The following BIN1 variants were observed in gnomAD, a reference collection of about 807,000 sequenced individuals.
BIN1 encodes myc box-dependent-interacting protein 1.
A neutral mutation model predicts 82.0 loss-of-function variants in BIN1; 53 were observed. That is an observed-to-expected ratio of 0.65 (90% CI 0.52 to 0.81). The LOEUF (loss-of-function observed/expected upper bound fraction) is 0.81. Among genes scored for constraint, BIN1 ranks in the 40% least tolerant of loss-of-function variants. BIN1 has a pLI of 0.00. For missense variants in BIN1, 642 were observed against 784.4 expected (o/e 0.82, Z 2.17); for synonymous variants, 302 against 328.0 (o/e 0.92, Z 0.86).
At chr2:127,049,448 T>C (rs1244368685) in intron 18 of BIN1, among the ~76,000 whole-genome samples, 1 of 152,210 alleles carries the variant, frequency 6.6e-6, no homozygotes. Context: ...CCTCAATAAG[T>C]ACCTGGTACC....
intron 1 of BIN1, among the ~76,000 whole-genome samples, chr2:127,087,152 T>C (rs890040068): frequency 5.9e-5 from 9 of 152,198 alleles, no homozygotes; most frequent in Non-Finnish European, 1.0e-4. Context: ...CCCACCACAA[T>C]GCTTTGATGG....
chr2:127,087,601 C>T (rs1242992034), intron 1 of BIN1, among the ~76,000 whole-genome samples: 1 of 152,168 alleles, frequency 6.6e-6, no homozygotes, highest in Non-Finnish European at 1.5e-5. Context: ...TCACAGTGGC[C>T]GGCGGGGCTG....
In BIN1 at chr2:127,059,322, A is replaced by C; in HGVS notation, c.858-167T>G. 8.6e-6 allele frequency among the ~76,000 whole-genome samples: 1 copy of C among 116,854 alleles called. No individual in the cohort carries two copies. The highest frequency in any genetic ancestry group is 3.3e-5 in the African/African-American group (1 of 30,408). The allele number at this position is 116,854 out of a possible 152,430, so 76.7% of individuals were successfully genotyped here. On this transcript the variant is annotated intron_variant, in intron 10 of 18. Transcript: ENST00000316724. This position sits in a 1 kb window ranked among gnomAD's most constrained non-coding sequence, Gnocchi z 6.7. ...TGAGAGAGAGCAGGAGGGTGGGGGG[A>C]GCCAAGGGACCTGGGCTTGGGGGGC...
intron 4 of BIN1, 139 bp downstream of exon 4, chr2:127,070,414 G>C: frequency 9.8e-7 from 1 of 1,022,026 alleles, no homozygotes. Flanking sequence ...CAGAGAGGGA[G>C]GGCAGCTTGC....
chr2:127,069,919 C>T (rs996820035), intron 5 of BIN1, 76 bp downstream of exon 5: 14 of 1,488,646 alleles, frequency 9.4e-6, no homozygotes, highest in South Asian at 8.2e-5. Flanking sequence ...TGGCCTGAGC[C>T]GCACGTCCTA....
intron 5 of BIN1, 115 bp downstream of exon 5, chr2:127,069,880 C>T (rs1431955549): frequency 1.2e-5 from 13 of 1,073,232 alleles, no homozygotes; most frequent in Non-Finnish European, 1.7e-5. Context: ...CCGGGCCAGG[C>T]GCTTCCTGCC....
At chr2:127,087,437 A>T (rs1286916556) in intron 1 of BIN1, among the ~76,000 whole-genome samples, 4 of 152,210 alleles carry the variant, frequency 2.6e-5, no homozygotes, top group Non-Finnish European at 5.9e-5. Context: ...TTCTGTAGAT[A>T]AGCCTATGGC....
chr2:127,097,223 C>T (rs1350339431), intron 1 of BIN1, among the ~76,000 whole-genome samples: 1 of 152,190 alleles, frequency 6.6e-6, no homozygotes, highest in East Asian at 1.9e-4. Context: ...CATACAGGGG[C>T]GCCCTAAAAA....
chr2:127,083,753 AT>A (rs1235579597), intron 1 of BIN1, among the ~76,000 whole-genome samples: 4 of 151,766 alleles, frequency 2.6e-5, no homozygotes, highest in South Asian at 2.1e-4. Flanking sequence ...AATGTTATCC[AT>A]TTTTTTTCTT....
intron 1 of BIN1, among the ~76,000 whole-genome samples, chr2:127,081,400 C>T (rs1004288684): frequency 6.6e-6 from 1 of 152,210 alleles, no homozygotes; most frequent in Non-Finnish European, 1.5e-5. Flanking sequence ...GTGAGGAGGG[C>T]CGGGTCTTCG....
At chr2:127,100,056 G>A (rs1205663255) in intron 1 of BIN1, among the ~76,000 whole-genome samples, 3 of 152,116 alleles carry the variant, frequency 2.0e-5, no homozygotes, top group Admixed American at 2.0e-4. Context: ...CACCCGTCTC[G>A]GCCTCCCAAA....
Position 127,068,868 on chromosome 2 carries a change from AC to A in BIN1, c.519+55del, listed in dbSNP as rs1685496768. The A allele has an allele frequency of 3.9e-6, 6 of 1,522,226 alleles. No individual in the cohort carries two copies. Among genetic ancestry groups the A allele is most frequent in the Middle Eastern group, 1.7e-4 (1 of 5,902 alleles). 94.3% of individuals were successfully genotyped at this position (1,522,226 alleles called of 1,614,324 possible). ...AGCCTCCACCCTCGGGGTCCTAGAC[AC>A]CCGCCCTCTCTCAGCCCCCTGCAGA... On this transcript the variant is annotated intron_variant, in intron 6 of 18. Transcript: ENST00000316724. This position sits in a 1 kb window ranked among gnomAD's most constrained non-coding sequence, Gnocchi z 4.9.
rs541915003 is a variant in BIN1, at chr2:127,101,862, T to C, written c.84+4998A>G. 3.3e-5 allele frequency among the ~76,000 whole-genome samples: 5 copies of C among 152,218 alleles called. No individual in the cohort carries two copies. In the South Asian group the frequency reaches 1.0e-3, roughly 32 times the overall value. ...GGGTCTGTGAACGTCATAAGCCTGATCAACCCCAGGCTCAGGAGGGATTAG... is the reference window on the plus strand; with the variant it reads ...GGGTCTGTGAACGTCATAAGCCTGACCAACCCCAGGCTCAGGAGGGATTAG... On this transcript the variant is annotated intron_variant, in intron 1 of 18. Transcript: ENST00000316724.
At chr2:127,080,790 GA>G in intron 1 of BIN1, among the ~76,000 whole-genome samples, 1 of 152,354 alleles carries the variant, frequency 6.6e-6, no homozygotes. Context: ...CAGGTGGCAG[GA>G]ATGACAAAGT....
At chr2:127,051,076 C>T in intron 16 of BIN1, 78 bp downstream of exon 16, 1 of 1,577,328 alleles carries the variant, frequency 6.3e-7, no homozygotes, top group Non-Finnish European at 8.7e-7. Flanking sequence ...CCAGCACCAG[C>T]AGGGGCCACA....
intron 1 of BIN1, among the ~76,000 whole-genome samples, chr2:127,086,911 A>T (rs943216187): frequency 6.6e-6 from 1 of 152,128 alleles, no homozygotes; most frequent in Non-Finnish European, 1.5e-5. Context: ...GTCCCCTGAC[A>T]CCAGTCCACA....
At chr2:127,078,489 T>C (rs1686900134) in intron 1 of BIN1, among the ~76,000 whole-genome samples, 1 of 152,022 alleles carries the variant, frequency 6.6e-6, no homozygotes, top group Non-Finnish European at 1.5e-5. Context: ...AGTTTTGAAT[T>C]GCTCAAGGTG....
At chr2:127,102,443 A>T (rs1006423856) in intron 1 of BIN1, among the ~76,000 whole-genome samples, 1 of 152,176 alleles carries the variant, frequency 6.6e-6, no homozygotes, top group Non-Finnish European at 1.5e-5. Context: ...ATATGGAGGG[A>T]ATCTACCACC....
Position 127,059,420 on chromosome 2 carries a change from C to T in BIN1, c.858-265G>A, listed in dbSNP as rs1684153192. ...CTCCAGGCTGGAGGTCTATGGTCCCCAGGAGTGCAGGCAGGTCCCTTGGAA... is the reference window on the plus strand; with the variant it reads ...CTCCAGGCTGGAGGTCTATGGTCCCTAGGAGTGCAGGCAGGTCCCTTGGAA... On this transcript the variant is annotated intron_variant, in intron 10 of 18. Transcript: ENST00000316724. This position sits in a 1 kb window ranked among gnomAD's most constrained non-coding sequence, Gnocchi z 6.7. 1.3e-5 allele frequency among the ~76,000 whole-genome samples: 2 copies of T among 151,910 alleles called. No homozygotes were observed. The highest frequency in any genetic ancestry group is 1.5e-5 in the Non-Finnish European group (1 of 67,958).
Sources: allele counts gnomAD v4.1 joint callset (sites outside exome capture counted in the v4.1 genomes callset), GRCh38; gene constraint gnomAD v4.1.1; non-coding constraint Gnocchi (gnomAD v3.1); transcripts MANE v1.5; gene names NCBI Gene and HGNC (gene_info 2026-07-23, HGNC 2026-07-21).